Variants in RASGRF1 observed in about 807,000 individuals in gnomAD.
The protein encoded by RASGRF1 is ras-specific guanine nucleotide-releasing factor 1.
RASGRF1 carries 40 observed loss-of-function variants against 138.7 expected under a neutral mutation model. The observed-to-expected ratio is 0.29, with a 90% confidence interval of 0.22 to 0.38. RASGRF1 has a LOEUF of 0.38. RASGRF1 is among the 10% of genes least tolerant of loss of function. RASGRF1 has a pLI of 1.00. For missense variants in RASGRF1, 1,108 were observed against 1,650.4 expected, an observed-to-expected ratio of 0.67 and a Z score of 5.69; for synonymous variants, 614 against 663.2, an observed-to-expected ratio of 0.93 and a Z score of 1.14.
At position 79,044,877 on chromosome 15, in the gene RASGRF1, G is replaced by A. The variant is rs79986238; in HGVS notation, c.878+1869C>T. 2.8e-4 allele frequency among the ~76,000 whole-genome samples: 42 copies of A among 152,172 alleles called. No individual in the cohort carries two copies. The East Asian group carries it at 8.1e-3, about 29-fold the overall frequency. ...TTTTCTGAACAACTTTTGAACAAAT[G>A]CTGTGAGCTGGCATGAATATTCTCT... On this transcript the variant is annotated intron_variant, in intron 5 of 26. Coordinates refer to ENST00000558480, the MANE Select transcript of RASGRF1 (RefSeq NM_001145648.3).
At chr15:79,004,884 C>G (rs925125551) in intron 14 of RASGRF1, 1 of 982,130 alleles carries the variant, frequency 1.0e-6, no homozygotes, top group African/African-American at 1.7e-5. Context: ...CACTCTTATT[C>G]CTACAGGATA....
In RASGRF1 at chr15:78,960,924, A is replaced by G. The variant is rs111651714; in HGVS notation, c.*1220T>C. The G allele has an allele frequency of 5.9e-5, 9 of 152,264 alleles. No individual in the cohort carries two copies. The highest frequency in any genetic ancestry group is 1.3e-4 in the Non-Finnish European group (9 of 68,044). The allele number at this position is 152,264 out of a possible 1,614,324, so 9.4% of individuals were successfully genotyped here. ...CTCGCTGTTCACCCTGAGATAGAAT[A>G]GATTTATTAGCAAGAGGTAATCAGG... On this transcript the variant is annotated 3_prime_UTR_variant, in exon 27 of 27. Transcript: ENST00000558480.
In RASGRF1 at chr15:79,032,970, C is replaced by T. The variant is rs1299535969; in HGVS notation, c.959-654G>A. Among the ~76,000 whole-genome samples, 1 of 152,226 alleles carries T rather than the reference C, an allele frequency of 6.6e-6. No homozygotes were observed. Among genetic ancestry groups the T allele is most frequent in the Non-Finnish European group, 1.5e-5 (1 of 68,032 alleles). On this transcript the variant is annotated intron_variant, in intron 6 of 26. Coordinates refer to ENST00000558480, the MANE Select transcript of RASGRF1 (RefSeq NM_001145648.3). This position sits in a 1 kb window ranked among gnomAD's most constrained non-coding sequence, Gnocchi z 4.5. ...GGGCAAGTCAGCAGCCGGCCTGGGGCTGGGTCTCCTGACCTCCTGATTCCA... is the reference window on the plus strand; with the variant it reads ...GGGCAAGTCAGCAGCCGGCCTGGGGTTGGGTCTCCTGACCTCCTGATTCCA...
chr15:79,003,073 GCTCCAGCCTGTCCTGGAATCAT>G (rs935001903), intron 15 of RASGRF1, among the ~76,000 whole-genome samples: 20 of 152,174 alleles, frequency 1.3e-4, no homozygotes, highest in African/African-American at 2.7e-4. Context: ...GAGTAGGGAG[GCTCCAGCCTGTCCTGGAATCAT>G]CTCCAGCCTG....
At chr15:79,026,457 G>A (rs117121832) in intron 9 of RASGRF1, among the ~76,000 whole-genome samples, 2,354 of 152,268 alleles carry the variant, frequency 0.015, 31 homozygotes, top group Non-Finnish European at 0.025. Context: ...GTGTTCCTGC[G>A]TTTGTCCCCT....
chr15:78,971,152 C>G (rs1167658599), intron 26 of RASGRF1, among the ~76,000 whole-genome samples: 1 of 152,206 alleles, frequency 6.6e-6, no homozygotes, highest in Non-Finnish European at 1.5e-5. Context: ...TCTCTAGGCC[C>G]TCAGAGCAGC....
At chr15:78,999,683 T>C (rs1359814337) in intron 17 of RASGRF1, 60 bp downstream of exon 17, 1 of 1,565,552 alleles carries the variant, frequency 6.4e-7, no homozygotes, top group Non-Finnish European at 8.8e-7. Flanking sequence ...ATGGCTGCTA[T>C]CACCTGCCAC....
chr15:79,057,358 G>C (rs1447983289), intron 3 of RASGRF1, among the ~76,000 whole-genome samples: 1 of 152,268 alleles, frequency 6.6e-6, no homozygotes, highest in Non-Finnish European at 1.5e-5. Flanking sequence ...GGTGCTGCCT[G>C]TCTGCCATGA....
chr15:78,985,155 G>A lies in RASGRF1; in HGVS notation c.3266C>T (p.Ala1089Val). 6.2e-7 allele frequency: 1 copy of A among 1,613,536 alleles called. No homozygotes were observed. Among genetic ancestry groups the A allele is most frequent in the Non-Finnish European group, 8.5e-7 (1 of 1,179,442 alleles). Residue 1089 changes from alanine to valine, a missense_variant, in exon 23 of 27, where the codon GCC (alanine) becomes GTC (valine). Coordinates refer to ENST00000558480, the MANE Select transcript of RASGRF1 (RefSeq NM_001145648.3). ...SEIIRNEDIN[A>V]RVSAIEKWVA... ...CCACTTCTCGATGGCGCTCACCCTG[G>A]CGTTGATGTCCTCATTGCGGATGAT... is the stretch of plus-strand genomic sequence containing the variant.
intron 13 of RASGRF1, among the ~76,000 whole-genome samples, chr15:79,007,179 C>T (rs1222285364): frequency 6.6e-6 from 1 of 152,194 alleles, no homozygotes; most frequent in African/African-American, 2.4e-5. Context: ...TGCAGTTAGC[C>T]AGAACAAAGG....
At chr15:79,002,048 T>C (rs1266455292) in intron 15 of RASGRF1, among the ~76,000 whole-genome samples, 2 of 152,208 alleles carry the variant, frequency 1.3e-5, no homozygotes, top group Admixed American at 1.3e-4. Flanking sequence ...CTGGGGATCT[T>C]GTCAGAATGC....
At chr15:79,056,020 G>A (rs1191666127) in intron 3 of RASGRF1, among the ~76,000 whole-genome samples, 1 of 152,196 alleles carries the variant, frequency 6.6e-6, no homozygotes, top group Non-Finnish European at 1.5e-5. Context: ...TGAGCTGAGT[G>A]TGGGAAAGCC....
intron 18 of RASGRF1, 50 bp from the exon 19 acceptor site, chr15:78,998,258 C>G: frequency 6.8e-7 from 1 of 1,469,868 alleles, no homozygotes; most frequent in South Asian, 1.1e-5. Context: ...TTGAGCTGCT[C>G]TGCAGTGGTC....
At chr15:79,040,182 G>T (rs1412286210) in intron 5 of RASGRF1, among the ~76,000 whole-genome samples, 1 of 151,444 alleles carries the variant, frequency 6.6e-6, no homozygotes, top group South Asian at 2.1e-4. Context: ...TCATTAAATA[G>T]CAGCCCTTCC....
chr15:78,973,559 G>A lies in RASGRF1; in HGVS notation c.3495-139C>T, dbSNP rs966391291. On this transcript the variant is annotated intron_variant, in intron 24 of 26. Coordinates refer to ENST00000558480, the MANE Select transcript of RASGRF1 (RefSeq NM_001145648.3). This position sits in a 1 kb window ranked among gnomAD's most constrained non-coding sequence, Gnocchi z 4.9. ...TCACCAAGAATCACACTACACTCTA[G>A]AACTGACTATTCTACACGCCCAGGA... The A allele has an allele frequency of 4.7e-6, 3 of 639,396 alleles. No homozygotes were observed. The highest frequency in any genetic ancestry group is 2.9e-5 in the Admixed American group (1 of 33,982). The allele number at this position is 639,396 out of a possible 1,614,324, so 39.6% of individuals were successfully genotyped here. A position where few individuals can be genotyped will look rare whatever the true frequency, so the allele number is the denominator to read the frequency against.
intron 26 of RASGRF1, among the ~76,000 whole-genome samples, chr15:78,969,558 A>G (rs1395160601): frequency 6.6e-6 from 1 of 152,018 alleles, no homozygotes; most frequent in Non-Finnish European, 1.5e-5. Flanking sequence ...AGTCCCAGCT[A>G]CTCAGGAGGC....
chr15:79,074,764 C>T (rs778195068), intron 1 of RASGRF1, among the ~76,000 whole-genome samples: 5 of 152,184 alleles, frequency 3.3e-5, no homozygotes, highest in African/African-American at 4.8e-5. Flanking sequence ...GGGCCGCACC[C>T]GATTTTGCTA....
At chr15:79,056,529 C>T (rs983268103) in intron 3 of RASGRF1, among the ~76,000 whole-genome samples, 13 of 152,192 alleles carry the variant, frequency 8.5e-5, no homozygotes, top group African/African-American at 3.1e-4. Context: ...GTTCCAGTCT[C>T]AGCTCTGCCA....
intron 20 of RASGRF1, among the ~76,000 whole-genome samples, chr15:78,994,808 C>T (rs1425245621): frequency 2.0e-5 from 3 of 152,182 alleles, no homozygotes; most frequent in African/African-American, 4.8e-5. Flanking sequence ...GTGTGGTAGA[C>T]GGAATGAGGG....
Sources: allele counts gnomAD v4.1 joint callset (sites outside exome capture counted in the v4.1 genomes callset), GRCh38; gene constraint gnomAD v4.1.1; non-coding constraint Gnocchi (gnomAD v3.1); transcripts MANE v1.5; gene names NCBI Gene and HGNC (gene_info 2026-07-23, HGNC 2026-07-21).